KIAA1549L: variants seen among roughly 807,000 people sequenced by gnomAD.
KIAA1549L encodes UPF0606 protein KIAA1549L.
In KIAA1549L, 88 loss-of-function variants were observed where a neutral mutation model predicts 160.7. That is an observed-to-expected ratio of 0.55 (90% CI 0.46 to 0.65). The LOEUF (loss-of-function observed/expected upper bound fraction) is 0.65. Ranked by LOEUF, KIAA1549L falls within the 30% of genes least tolerant of loss-of-function variation. The pLI is 0.00. For synonymous variants in KIAA1549L, 950 were observed against 976.7 expected, an observed-to-expected ratio of 0.97 and a Z score of 0.51; for missense variants, 2,258 against 2,437.5, an observed-to-expected ratio of 0.93 and a Z score of 1.55.
At chr11:33,526,438 T>A (rs958384111) in intron 1 of KIAA1549L, among the ~76,000 whole-genome samples, 4 of 152,178 alleles carry the variant, frequency 2.6e-5, no homozygotes, top group Non-Finnish European at 5.9e-5. Flanking sequence ...CCTGCCACCT[T>A]TACCAGAGCA....
rs1037202576 is a variant in KIAA1549L at position 33,542,123 on chromosome 11, G to T, written c.560G>T (p.Gly187Val). Residue 187 changes from glycine to valine, a missense_variant, in exon 2 of 21, where the codon GGA becomes GTA. By Grantham distance (109) the Gly-to-Val change is moderately radical (BLOSUM62 -3). Transcript: ENST00000658780. ...ESLVQPGPKG[G>V]QEAADVSGLP... ...CTGGTCCAACCGGGGCCTAAAGGGGGACAAGAAGCAGCCGATGTGTCAGGT... is the reference window on the plus strand; with the variant it reads ...CTGGTCCAACCGGGGCCTAAAGGGGTACAAGAAGCAGCCGATGTGTCAGGT... 4 of 528,378 alleles carry T rather than the reference G, an allele frequency of 7.6e-6. No individual in the cohort carries two copies. The highest frequency in any genetic ancestry group is 1.5e-5 in the Non-Finnish European group (4 of 273,870). The allele number at this position is 528,378 out of a possible 1,614,324, so 32.7% of individuals were successfully genotyped here.
At chr11:33,642,298 C>T (rs1453562541) in intron 16 of KIAA1549L, among the ~76,000 whole-genome samples, 1 of 152,120 alleles carries the variant, frequency 6.6e-6, no homozygotes, top group East Asian at 1.9e-4. Context: ...TTTACCTTAA[C>T]CTCAACTTCC....
intron 1 of KIAA1549L, among the ~76,000 whole-genome samples, chr11:33,393,583 G>A (rs1850312297): frequency 6.6e-6 from 1 of 152,168 alleles, no homozygotes; most frequent in African/African-American, 2.4e-5. Context: ...GTACCTAGTG[G>A]GACAACTTGC....
intron 1 of KIAA1549L, among the ~76,000 whole-genome samples, chr11:33,502,520 T>C (rs1382937164): frequency 6.6e-6 from 1 of 152,190 alleles, no homozygotes; most frequent in Non-Finnish European, 1.5e-5. Context: ...GCTTATTTCA[T>C]TGGGTGCCAT....
chr11:33,380,884 T>C (rs1301327971), intron 1 of KIAA1549L, among the ~76,000 whole-genome samples: 1 of 152,120 alleles, frequency 6.6e-6, no homozygotes, highest in Non-Finnish European at 1.5e-5. Flanking sequence ...CAACTTGCAG[T>C]CGAGTCTAGA....
At chr11:33,618,774 G>A (rs951151246) in intron 16 of KIAA1549L, 112 bp downstream of exon 16, 3 of 1,056,150 alleles carry the variant, frequency 2.8e-6, no homozygotes, top group Non-Finnish European at 2.6e-6. Context: ...ATTTTAAAAA[G>A]CACTAAAATG....
intron 1 of KIAA1549L, among the ~76,000 whole-genome samples, chr11:33,476,530 C>A (rs2133038248): frequency 6.6e-6 from 1 of 152,296 alleles, no homozygotes; most frequent in South Asian, 2.1e-4. Flanking sequence ...CAAAGGATTC[C>A]CATTGTACTT....
In KIAA1549L at chr11:33,609,776, G is replaced by T; in HGVS notation, c.5089G>T (p.Asp1697Tyr). ...GAACAAAGCCCTGAAGCAGAAGTCA[G>T]ACATCGAGCACTATCGGAACAAGCT... ...EVNKALKQKS[D>Y]IEHYRNKLRL... The change falls in exon 15 of 21, where the codon GAC (aspartate) becomes TAC (tyrosine). Residue 1697 changes from aspartate to tyrosine, a missense_variant. Transcript: ENST00000658780. The T allele has an allele frequency of 6.2e-7, 1 of 1,611,022 alleles. No homozygotes were observed. Among genetic ancestry groups the T allele is most frequent in the South Asian group, 1.1e-5 (1 of 90,446 alleles).
intron 1 of KIAA1549L, among the ~76,000 whole-genome samples, chr11:33,531,302 G>A (rs1381647264): frequency 1.1e-4 from 17 of 152,118 alleles, no homozygotes; most frequent in Non-Finnish European, 5.9e-5. Flanking sequence ...GTAAAACCCC[G>A]TCTCTACTAA....
At position 33,617,469 on chromosome 11, in the gene KIAA1549L, T is replaced by C. The variant is rs563276309; in HGVS notation, c.5280-1064T>C. 5.3e-5 allele frequency among the ~76,000 whole-genome samples: 8 copies of C among 152,316 alleles called. No homozygotes were observed. In the East Asian group the frequency reaches 9.7e-4, roughly 18 times the overall value. ...AGTAGCTGAGTGGAGTCCCTGAATG[T>C]GCCACTCCCTGGGCCTGAAATGCTC... On this transcript the variant is annotated intron_variant, in intron 15 of 20. Coordinates refer to ENST00000658780, the MANE Select transcript of KIAA1549L (RefSeq NM_012194.3).
intron 1 of KIAA1549L, among the ~76,000 whole-genome samples, chr11:33,493,394 A>C (rs576360199): frequency 6.6e-6 from 1 of 152,218 alleles, no homozygotes; most frequent in African/African-American, 2.4e-5. Context: ...CAGCCTCCAG[A>C]TCTGTAAGAA....
At chr11:33,427,533 C>A (rs891251245) in intron 1 of KIAA1549L, among the ~76,000 whole-genome samples, 1 of 152,174 alleles carries the variant, frequency 6.6e-6, no homozygotes, top group Admixed American at 6.5e-5. Context: ...CCTATTTCTC[C>A]TTCCTCTTTT....
At chr11:33,585,087 T>C (rs1855768986) in intron 11 of KIAA1549L, among the ~76,000 whole-genome samples, 1 of 152,228 alleles carries the variant, frequency 6.6e-6, no homozygotes, top group Non-Finnish European at 1.5e-5. Flanking sequence ...AGATACTGTC[T>C]ACTGAAGAGC....
At chr11:33,635,366 C>G (rs560623760) in intron 16 of KIAA1549L, among the ~76,000 whole-genome samples, 82 of 152,302 alleles carry the variant, frequency 5.4e-4, no homozygotes, top group African/African-American at 1.9e-3. Flanking sequence ...GCTGAAACCC[C>G]CACTCGGTCT....
chr11:33,500,344 A>G (rs1450809756), intron 1 of KIAA1549L, among the ~76,000 whole-genome samples: 10 of 152,188 alleles, frequency 6.6e-5, no homozygotes. Flanking sequence ...GTGTATATAA[A>G]GACTCTCAAA....
At position 33,547,660 on chromosome 11, in the gene KIAA1549L, C is replaced by T. The variant is rs558240044; in HGVS notation, c.3386-104C>T. ...AATGATGGCCCTGTGCTTACCGGCTCTGCCCAGAACTTGCAGAAGGTGGTG... is the reference window on the plus strand; with the variant it reads ...AATGATGGCCCTGTGCTTACCGGCTTTGCCCAGAACTTGCAGAAGGTGGTG... On this transcript the variant is annotated intron_variant, in intron 3 of 20. Coordinates refer to ENST00000658780, the MANE Select transcript of KIAA1549L (RefSeq NM_012194.3). 7 of 711,868 alleles carry T rather than the reference C, an allele frequency of 9.8e-6. No individual in the cohort carries two copies. In the African/African-American group the frequency reaches 1.1e-4, roughly 11 times the overall value. The allele number at this position is 711,868 out of a possible 1,614,324, so 44.1% of individuals were successfully genotyped here.
At chr11:33,624,827 A>T (rs1314737272) in intron 16 of KIAA1549L, among the ~76,000 whole-genome samples, 2 of 150,780 alleles carry the variant, frequency 1.3e-5, no homozygotes, top group Non-Finnish European at 2.9e-5. Flanking sequence ...ATACATATGT[A>T]TACATGTGCC....
intron 1 of KIAA1549L, among the ~76,000 whole-genome samples, chr11:33,435,818 GTATATATATATA>G (rs1178288261): frequency 1.1e-4 from 5 of 45,296 alleles, no homozygotes; most frequent in African/African-American, 1.7e-4. Flanking sequence ...ATATGTGTGT[GTATATATATATA>G]TGTATATGTA....
At position 33,542,279 on chromosome 11, in the gene KIAA1549L, T is replaced by G; in HGVS notation, c.716T>G (p.Ile239Ser). The G allele has an allele frequency of 1.0e-4, 61 of 608,910 alleles. No homozygotes were observed. The highest frequency in any genetic ancestry group is 3.1e-4 in the East Asian group (10 of 32,044). 37.7% of individuals were successfully genotyped at this position (608,910 alleles called of 1,614,324 possible). Residue 239 changes from isoleucine to serine, a missense_variant, in exon 2 of 21, where the codon ATT becomes AGT. By Grantham distance (142) the Ile-to-Ser change is moderately radical (BLOSUM62 -2). Around this residue, in one of 6 missense-constraint regions of KIAA1549L, gnomAD observed 540 missense variants for 465.7 expected, o/e 1.16. Coordinates refer to ENST00000658780, the MANE Select transcript of KIAA1549L (RefSeq NM_012194.3). ...SISKHPPRSD[I>S]PPLLPLPPSS... The stretch of plus-strand genomic sequence containing the variant: ...TCAAAGCATCCCCCAAGGTCAGACA[T>G]TCCCCCACTCCTCCCTCTACCTCCA...
Sources: allele counts gnomAD v4.1 joint callset (sites outside exome capture counted in the v4.1 genomes callset), GRCh38; gene constraint gnomAD v4.1.1; regional missense constraint gnomAD v4.1.1; transcripts MANE v1.5; gene names NCBI Gene and HGNC (gene_info 2026-07-23, HGNC 2026-07-21).